SLC26A11: variants seen among roughly 807,000 people sequenced by gnomAD.
SLC26A11 encodes the protein sodium-independent sulfate anion transporter.
In SLC26A11, 58 loss-of-function variants were observed where a neutral mutation model predicts 62.2. The ratio of observed to expected loss-of-function variants is 0.93; its 90% confidence interval spans 0.76 to 1.16. SLC26A11 has a LOEUF of 1.16. Ranked by LOEUF, SLC26A11 falls within the 50% of genes most tolerant of loss-of-function variation. The pLI, the probability that SLC26A11 is intolerant of heterozygous loss-of-function variation, is 0.00. For missense variants in SLC26A11, 790 were observed against 794.3 expected, an observed-to-expected ratio of 0.99 and a Z score of 0.06; for synonymous variants, 411 against 368.9, an observed-to-expected ratio of 1.11 and a Z score of -1.31.
intron 7 of SLC26A11, among the ~76,000 whole-genome samples, chr17:80,235,088 G>A (rs1383200632): frequency 1.3e-5 from 2 of 152,180 alleles, no homozygotes; most frequent in Non-Finnish European, 2.9e-5. Flanking sequence ...GACTTCAGGT[G>A]ATTCAGCTGC....
chr17:80,240,435 G>A (rs763986894), intron 9 of SLC26A11, among the ~76,000 whole-genome samples: 3 of 151,968 alleles, frequency 2.0e-5, no homozygotes, highest in Admixed American at 1.3e-4. Flanking sequence ...ACCTTCGCCT[G>A]CTCACCTCTC....
chr17:80,221,946 C>A (rs1234442790), intron 3 of SLC26A11, 152 bp downstream of exon 3: 1 of 779,668 alleles, frequency 1.3e-6, no homozygotes, highest in Non-Finnish European at 2.0e-6. Context: ...TGTCTCTGGG[C>A]CGACCCAGGC....
At chr17:80,241,967 G>A (rs985235237) in intron 10 of SLC26A11, 146 bp downstream of exon 10, 7 of 895,370 alleles carry the variant, frequency 7.8e-6, no homozygotes, top group African/African-American at 1.7e-5. Flanking sequence ...GGGATCTTCT[G>A]GAATATTTAG....
rs567324144 is a variant in SLC26A11, at chr17:80,233,205, G to C, written c.737-3723G>C. ...CAGAGATTGCAGTGAGCCAAGATCC[G>C]TCACTGAAGCTGCAAACTCCTGGGC... On this transcript the variant is annotated intron_variant, in intron 7 of 17. Transcript: ENST00000361193. 8.0e-5 allele frequency among the ~76,000 whole-genome samples: 12 copies of C among 150,192 alleles called. No individual in the cohort carries two copies. The East Asian group carries it at 2.5e-3, about 31-fold the overall frequency.
At chr17:80,238,828 T>TG (rs1567958741) in intron 9 of SLC26A11, among the ~76,000 whole-genome samples, 2 of 136,322 alleles carry the variant, frequency 1.5e-5, no homozygotes, top group Admixed American at 7.2e-5. Context: ...TTGTTTTTTG[T>TG]TTTTTTTTTT....
intron 7 of SLC26A11, among the ~76,000 whole-genome samples, chr17:80,235,559 T>G (rs562471974): frequency 6.6e-6 from 1 of 152,324 alleles, no homozygotes; most frequent in South Asian, 2.1e-4. Flanking sequence ...TCTCACTAAT[T>G]TGCTCAGGCT....
intron 9 of SLC26A11, 28 bp downstream of exon 9, chr17:80,237,622 G>A (rs764625657): frequency 1.9e-6 from 3 of 1,602,508 alleles, no homozygotes; most frequent in Non-Finnish European, 2.6e-6. Flanking sequence ...CACACCCCAG[G>A]TCTCCCAGTG....
intron 9 of SLC26A11, 111 bp downstream of exon 9, chr17:80,237,705 T>G: frequency 8.6e-5 from 80 of 933,018 alleles, no homozygotes; most frequent in Non-Finnish European, 1.2e-4. Flanking sequence ...TTTGAATTCA[T>G]ATCCAAGTAA....
chr17:80,240,860 C>T (rs1045624874), intron 9 of SLC26A11, among the ~76,000 whole-genome samples: 3 of 151,642 alleles, frequency 2.0e-5, no homozygotes, highest in African/African-American at 7.3e-5. Flanking sequence ...ATTGTAATCC[C>T]AACACGTTGG....
At chr17:80,220,723 T>G (rs1416028824) in intron 1 of SLC26A11, among the ~76,000 whole-genome samples, 193 bp from the exon 2 acceptor site, 1 of 145,712 alleles carries the variant, frequency 6.9e-6, no homozygotes, top group Admixed American at 6.7e-5. Flanking sequence ...CAGGGTCTCC[T>G]CCGGAGACCC....
At chr17:80,242,919 G>A (rs1297704784) in intron 10 of SLC26A11, among the ~76,000 whole-genome samples, 1 of 152,126 alleles carries the variant, frequency 6.6e-6, no homozygotes, top group African/African-American at 2.4e-5. Flanking sequence ...ATATTGATCA[G>A]GCTGGTCTCA....
Position 80,246,504 on chromosome 17 carries a change from C to T in SLC26A11, c.1154-5C>T, listed in dbSNP as rs373430553. On this transcript the variant is annotated splice_region_variant and splice_polypyrimidine_tract_variant and intron_variant, in intron 12 of 17. Coordinates refer to ENST00000361193, the MANE Select transcript of SLC26A11 (RefSeq NM_001166347.2). This position sits in a 1 kb window ranked among gnomAD's most constrained non-coding sequence, Gnocchi z 4.4. ...CGAGGTCACCTGTGTTCCCGTGCCC[C>T]GCAGGAGTGCTGGTGCTGCTGTCTC... is the stretch of plus-strand genomic sequence containing the variant. 55 of 1,610,002 alleles carry T rather than the reference C, an allele frequency of 3.4e-5. No individual in the cohort carries two copies. The highest frequency in any genetic ancestry group is 4.2e-5 in the Non-Finnish European group (49 of 1,179,980).
At chr17:80,245,457 T>C (rs1245709380) in intron 11 of SLC26A11, 1 of 575,282 alleles carries the variant, frequency 1.7e-6, no homozygotes, top group Non-Finnish European at 3.1e-6. Context: ...TGCAGTTTCA[T>C]ACTAGAAAGT....
At chr17:80,225,178 AC>A (rs949743187) in intron 5 of SLC26A11, among the ~76,000 whole-genome samples, 1 of 147,900 alleles carries the variant, frequency 6.8e-6, no homozygotes, top group African/African-American at 2.5e-5. Flanking sequence ...CCACCCCCCA[AC>A]CCCCCGCCGC....
chr17:80,226,528 C>A (rs1191744262), intron 6 of SLC26A11, among the ~76,000 whole-genome samples: 1 of 152,188 alleles, frequency 6.6e-6, no homozygotes, highest in Non-Finnish European at 1.5e-5. Flanking sequence ...TGGTGAAACT[C>A]CGTCTCTACT....
At chr17:80,233,694 C>T (rs1008928921) in intron 7 of SLC26A11, among the ~76,000 whole-genome samples, 18 of 151,894 alleles carry the variant, frequency 1.2e-4, no homozygotes, top group Non-Finnish European at 1.5e-5. Context: ...AATCCTCAGC[C>T]TCCTGAGTGG....
chr17:80,222,030 C>T lies in SLC26A11; in HGVS notation c.234+236C>T. On this transcript the variant is annotated intron_variant, in intron 3 of 17. Coordinates refer to ENST00000361193, the MANE Select transcript of SLC26A11 (RefSeq NM_001166347.2). The surrounding 1 kb of genome is among the most constrained non-coding windows in gnomAD (Gnocchi z 4.7). The stretch of plus-strand genomic sequence containing the variant: ...CCAGCGAGATGACTCATGGAGGCCT[C>T]AGGAGTTCAAGACCAGCCCGACCAA... The T allele has an allele frequency of 3.9e-6, 2 of 518,876 alleles. No homozygotes were observed. Among genetic ancestry groups the T allele is most frequent in the South Asian group, 6.0e-5 (2 of 33,498 alleles). 32.1% of individuals were successfully genotyped at this position (518,876 alleles called of 1,614,324 possible).
rs1032941046 is a variant in SLC26A11 at position 80,245,235 on chromosome 17, C to T, written c.1076C>T (p.Pro359Leu). Residue 359 changes from proline (P) to leucine (L), a missense_variant, in exon 11 of 18, where the codon CCG becomes CTG. By Grantham distance (98) the Pro-to-Leu change is moderately conservative. Coordinates refer to ENST00000361193, the MANE Select transcript of SLC26A11 (RefSeq NM_001166347.2). The part of the protein sequence containing the change: ...NMLGSLVSSY[P>L]VTGSFGRTAV... ...TTGGGCTCCCTCGTCTCCTCCTACCCGGTCACAGGCAGCTTTGGACGGTGA... is the reference window on the plus strand; with the variant it reads ...TTGGGCTCCCTCGTCTCCTCCTACCTGGTCACAGGCAGCTTTGGACGGTGA... 39 of 1,613,936 alleles carry T rather than the reference C, an allele frequency of 2.4e-5. No individual in the cohort carries two copies. Among genetic ancestry groups the T allele is most frequent in the South Asian group, 1.2e-4 (11 of 91,064 alleles).
intron 10 of SLC26A11, among the ~76,000 whole-genome samples, chr17:80,242,098 T>C (rs1351134776): frequency 2.6e-5 from 4 of 152,250 alleles, no homozygotes; most frequent in Admixed American, 2.6e-4. Context: ...TGCCTCAGCC[T>C]CCCAAGTAGC....
Sources: gnomAD v4.1 joint callset for allele counts (sites outside exome capture counted in the v4.1 genomes callset) on GRCh38, gnomAD v4.1.1 for gene constraint, Gnocchi (gnomAD v3.1) non-coding constraint, MANE v1.5 for transcripts, NCBI Gene and HGNC (gene_info 2026-07-23, HGNC 2026-07-21) for gene names.